RSAD1: variants seen among roughly 807,000 people sequenced by gnomAD.
RSAD1 encodes radical S-adenosyl methionine domain-containing protein 1, mitochondrial.
RSAD1 carries 34 observed loss-of-function variants against 46.2 expected under a neutral mutation model. The ratio of observed to expected loss-of-function variants is 0.74; its 90% CI spans 0.56 to 0.98. The LOEUF (loss-of-function observed/expected upper bound fraction) is 0.98. RSAD1 is among the 50% of genes least tolerant of loss of function. RSAD1 has a pLI of 0.00. For missense variants in RSAD1, 635 were observed against 592.3 expected, an observed-to-expected ratio of 1.07 and a Z score of -0.75; for synonymous variants, 260 against 253.5, an observed-to-expected ratio of 1.03 and a Z score of -0.24.
At chr17:50,479,143 C>G (rs1487189343) in intron 1 of RSAD1, 124 bp downstream of exon 1, 1 of 1,088,076 alleles carries the variant, frequency 9.2e-7, no homozygotes, top group Non-Finnish European at 1.2e-6. Context: ...TCCGTGCCCC[C>G]GTACGAGGTC....
At chr17:50,481,323 T>C (rs1478675967) in intron 3 of RSAD1, among the ~76,000 whole-genome samples, 3 of 152,256 alleles carry the variant, frequency 2.0e-5, no homozygotes, top group Admixed American at 1.3e-4. Context: ...AACTCTGTAA[T>C]TGGATTGCAG....
intron 6 of RSAD1, 49 bp from the exon 7 acceptor site, chr17:50,483,657 G>A: frequency 1.2e-6 from 2 of 1,610,162 alleles, no homozygotes; most frequent in Non-Finnish European, 1.7e-6. Flanking sequence ...TGGAGAATGG[G>A]AGGAGCACAG....
chr17:50,484,942 G>C lies in RSAD1; in HGVS notation c.*81G>C. 9.1e-7 allele frequency: 1 copy of C among 1,100,452 alleles called. No individual in the cohort carries two copies. The highest frequency in any genetic ancestry group is 2.4e-5 in the East Asian group (1 of 42,176). The allele number at this position is 1,100,452 out of a possible 1,614,324, so 68.2% of individuals were successfully genotyped here. A position where few individuals can be genotyped will look rare whatever the true frequency, so the allele number is the denominator to read the frequency against. ...GTACTGCAGACATCTCTTCTCCGTT[G>C]TCGGGTGCCGTCTCTGCTCCTTGTG... On this transcript the variant is annotated 3_prime_UTR_variant, in exon 9 of 9. Coordinates refer to ENST00000258955, the MANE Select transcript of RSAD1 (RefSeq NM_018346.3).
Position 50,484,462 on chromosome 17 carries a change from C to T in RSAD1, c.1128C>T (p.Pro376=). Residue 376 remains proline (P), a synonymous_variant, in exon 8 of 9, where the codon CCC becomes CCT. Transcript: ENST00000258955. ...ITHQHWQQFE[P]QLTLWDVFGA... ...CCCAGCACTGGCAGCAGTTTGAGCC[C>T]CAGCTGACCCTGTGGGATGTGTTTG... 6.2e-7 allele frequency: 1 copy of T among 1,613,728 alleles called. No homozygotes were observed.
chr17:50,480,539 G>T (rs963606684), intron 3 of RSAD1: 3 of 197,162 alleles, frequency 1.5e-5, no homozygotes, highest in Non-Finnish European at 3.2e-5. Context: ...AGGTGAGGGG[G>T]TGTGGGGGAA....
Position 50,485,549 on chromosome 17 carries a change from G to A in RSAD1, c.*688G>A, listed in dbSNP as rs899612804. On this transcript the variant is annotated 3_prime_UTR_variant, in exon 9 of 9. Coordinates refer to ENST00000258955, the MANE Select transcript of RSAD1 (RefSeq NM_018346.3). ...TTTCTAGAAGTGCCTCTCATTAGTGGACTTTAAAGCAAATCCTGGCTGGCA... is the reference window on the plus strand; with the variant it reads ...TTTCTAGAAGTGCCTCTCATTAGTGAACTTTAAAGCAAATCCTGGCTGGCA... 6.6e-6 allele frequency: 1 copy of A among 152,354 alleles called. No individual in the cohort carries two copies. Among genetic ancestry groups the A allele is most frequent in the African/African-American group, 2.4e-5 (1 of 41,476 alleles). The allele number at this position is 152,354 out of a possible 1,614,324, so 9.4% of individuals were successfully genotyped here.
intron 5 of RSAD1, 43 bp downstream of exon 5, chr17:50,482,749 T>A (rs1244504848): frequency 6.3e-7 from 1 of 1,580,890 alleles, no homozygotes; most frequent in Non-Finnish European, 8.6e-7. Context: ...AGGAGAGGAA[T>A]GTCGTGGCTG....
At position 50,482,443 on chromosome 17, in the gene RSAD1, A is replaced by G. The variant is rs772473599; in HGVS notation, c.827A>G (p.Asn276Ser). The G allele has an allele frequency of 5.7e-6, 9 of 1,588,492 alleles. No individual in the cohort carries two copies. The highest frequency in any genetic ancestry group is 7.7e-6 in the Non-Finnish European group (9 of 1,170,220). Reference sequence around the variant, plus strand: ...GGCTTCCACCAGTATGAGGTCTCCAACTTTGCCCGGAATGTAAGTTCTGGG... The same window carrying G: ...GGCTTCCACCAGTATGAGGTCTCCAGCTTTGCCCGGAATGTAAGTTCTGGG... ...EAGFHQYEVSNFARNGALSTH... is the reference protein window; with the variant it reads ...EAGFHQYEVSSFARNGALSTH... The change falls in exon 4 of 9, where the codon AAC (asparagine) becomes AGC (serine). Residue 276 changes from asparagine to serine, a missense_variant. Asn to Ser is a conservative substitution (Grantham distance 46). Coordinates refer to ENST00000258955, the MANE Select transcript of RSAD1 (RefSeq NM_018346.3).
At chr17:50,480,226 T>C (rs1314814232) in intron 3 of RSAD1, 142 bp downstream of exon 3, 2 of 753,018 alleles carry the variant, frequency 2.7e-6, no homozygotes, top group Non-Finnish European at 4.5e-6. Context: ...GCGACACTTT[T>C]ATAACTCCTT....
At chr17:50,483,209 G>GAAAGAAAA in intron 5 of RSAD1, 131 bp from the exon 6 acceptor site, 2 of 619,316 alleles carry the variant, frequency 3.2e-6, no homozygotes, top group Non-Finnish European at 2.3e-6. Context: ...AAGAAAGAAA[G>GAAAGAAAA]AAAAGAAAAG....
rs748045180 is a variant in RSAD1 at position 50,483,492 on chromosome 17, G to A, written c.1052+5G>A. 1.7e-5 allele frequency: 28 copies of A among 1,611,908 alleles called. No homozygotes were observed. The highest frequency in any genetic ancestry group is 2.4e-5 in the Non-Finnish European group (28 of 1,179,146). On this transcript the variant is annotated splice_donor_5th_base_variant and intron_variant, in intron 6 of 8. Coordinates refer to ENST00000258955, the MANE Select transcript of RSAD1 (RefSeq NM_018346.3). ...CCCCCTGGGCAGGCTGGAGCTGTGAGCATCCAAGGGCACAGGGCTCTCCTC... is the reference window on the plus strand; with the variant it reads ...CCCCCTGGGCAGGCTGGAGCTGTGAACATCCAAGGGCACAGGGCTCTCCTC...
intron 7 of RSAD1, chr17:50,484,161 A>C: frequency 2.0e-6 from 1 of 491,444 alleles, no homozygotes; most frequent in Non-Finnish European, 3.6e-6. Context: ...TGGATAAAGC[A>C]GAGCCATAAA....
rs375122373 is a variant in RSAD1 at position 50,482,715 on chromosome 17, C to T, written c.904+9C>T. The T allele has an allele frequency of 1.1e-4, 173 of 1,612,834 alleles. No individual in the cohort carries two copies. The highest frequency in any genetic ancestry group is 1.7e-4 in the African/African-American group (13 of 74,892). On this transcript the variant is annotated intron_variant, in intron 5 of 8. Transcript: ENST00000258955. ...CCTTGGCGTTGGGCCTGGTGAGTCC[C>T]GTGAACTACAGAAAGGGTGACTCAG...
intron 8 of RSAD1, 29 bp downstream of exon 8, chr17:50,484,574 G>T: frequency 1.2e-6 from 2 of 1,603,312 alleles, no homozygotes; most frequent in Non-Finnish European, 1.7e-6. Flanking sequence ...GGCAGAGGGG[G>T]CTGAGGCATA....
At position 50,482,637 on chromosome 17, in the gene RSAD1, C is replaced by T. The variant is rs745498585; in HGVS notation, c.841-6C>T. 15 of 1,614,132 alleles carry T rather than the reference C, an allele frequency of 9.3e-6. No homozygotes were observed. The Admixed American group carries it at 2.3e-4, about 25-fold the overall frequency. On this transcript the variant is annotated splice_polypyrimidine_tract_variant and splice_region_variant and intron_variant, in intron 4 of 8. Coordinates refer to ENST00000258955, the MANE Select transcript of RSAD1 (RefSeq NM_018346.3). The stretch of plus-strand genomic sequence containing the variant: ...TCACTCTGCACTATTTCCTCCCTCC[C>T]CGCAGGGGGCGCTCAGTACCCACAA...
intron 5 of RSAD1, among the ~76,000 whole-genome samples, 168 bp from the exon 6 acceptor site, chr17:50,483,172 C>CAAAAAAAAAAAAAAAAA (rs71353643): frequency 1.5e-5 from 1 of 68,478 alleles, no homozygotes; most frequent in Non-Finnish European, 2.6e-5. Flanking sequence ...GACACCACCT[C>CAAAAAAAAAAAAAAAAA]AAAAAAAAAA....
intron 7 of RSAD1, chr17:50,484,173 C>T: frequency 2.0e-6 from 1 of 504,694 alleles, no homozygotes. Context: ...AGCCATAAAG[C>T]CCTGGCTAGA....
chr17:50,479,336 G>A lies in RSAD1; in HGVS notation c.136-293G>A, dbSNP rs2033350166. ...CGGTAGCTGGGAAAATGGCTCATAG[G>A]AAAATTGTATGAAAATTATATGATC... On this transcript the variant is annotated intron_variant, in intron 1 of 8. Transcript: ENST00000258955. The A allele has an allele frequency of 1.4e-5, 7 of 495,466 alleles. No homozygotes were observed. In the Admixed American group the frequency reaches 1.5e-4, roughly 11 times the overall value. The allele number at this position is 495,466 out of a possible 1,614,324, so 30.7% of individuals were successfully genotyped here.
intron 5 of RSAD1, 90 bp downstream of exon 5, chr17:50,482,796 A>G (rs2033398372): frequency 8.2e-7 from 1 of 1,224,580 alleles, no homozygotes. Context: ...CCAAGCCTCT[A>G]TTTTCTCATA....
Sources: allele counts gnomAD v4.1 joint callset (sites outside exome capture counted in the v4.1 genomes callset), GRCh38; gene constraint gnomAD v4.1.1; transcripts MANE v1.5; gene names NCBI Gene and HGNC (gene_info 2026-07-23, HGNC 2026-07-21).